COL23A1: variants seen among roughly 807,000 people sequenced by gnomAD.
The protein encoded by COL23A1 is collagen alpha-1(XXIII) chain.
In COL23A1, 97 loss-of-function variants were observed where a neutral mutation model predicts 99.3. That is an observed-to-expected ratio of 0.98 (90% CI 0.83 to 1.16). The LOEUF (loss-of-function observed/expected upper bound fraction) is 1.16. Among genes scored for constraint, COL23A1 ranks in the 50% most tolerant of loss-of-function variants. COL23A1 has a pLI of 0.00. For missense variants in COL23A1, 762 were observed against 757.4 expected (o/e 1.01, Z -0.07); for synonymous variants, 320 against 308.2 (o/e 1.04, Z -0.40).
chr5:178,442,865 T>C (rs1766951790), intron 2 of COL23A1: 1 of 152,222 alleles, frequency 6.6e-6, no homozygotes, highest in East Asian at 1.9e-4. Flanking sequence ...CCCCCTCCCA[T>C]ATCCCTATTT....
chr5:178,563,175 G>A (rs1157912042), intron 1 of COL23A1, among the ~76,000 whole-genome samples: 1 of 152,110 alleles, frequency 6.6e-6, no homozygotes, highest in Non-Finnish European at 1.5e-5. Context: ...CCTGTAAATC[G>A]GAACCTGGCT....
intron 2 of COL23A1, among the ~76,000 whole-genome samples, chr5:178,311,484 C>CTGTG (rs1006253790): frequency 0.051 from 2,992 of 58,140 alleles, 89 homozygotes; most frequent in African/African-American, 0.16. Flanking sequence ...GTTCTTTCCT[C>CTGTG]TGTGTGTGTG....
chr5:178,281,235 G>T lies in COL23A1; in HGVS notation c.441+7089C>A, dbSNP rs1398738935. 6.6e-6 allele frequency among the ~76,000 whole-genome samples: 1 copy of T among 152,206 alleles called. No homozygotes were observed. Among genetic ancestry groups the T allele is most frequent in the South Asian group, 2.1e-4 (1 of 4,832 alleles). On this transcript the variant is annotated intron_variant, in intron 5 of 28. Transcript: ENST00000390654. The surrounding 1 kb of genome is among the most constrained non-coding windows in gnomAD (Gnocchi z 4.0). ...GAATTTGGGATATTTCAGATAAATC[G>T]TTTAACTGATTACATTTTTATAATC...
intron 2 of COL23A1, among the ~76,000 whole-genome samples, chr5:178,482,159 G>A (rs1252119598): frequency 1.3e-5 from 2 of 151,902 alleles, no homozygotes; most frequent in Admixed American, 6.6e-5. Context: ...TTATACCAAC[G>A]TTCACAGCAG....
intron 2 of COL23A1, among the ~76,000 whole-genome samples, chr5:178,316,400 T>C (rs145746543): frequency 1.3e-5 from 2 of 152,346 alleles, no homozygotes; most frequent in African/African-American, 4.8e-5. Flanking sequence ...CTATAAAATA[T>C]TTATGATATA....
intron 2 of COL23A1, among the ~76,000 whole-genome samples, chr5:178,372,825 C>T (rs1762868885): frequency 6.6e-6 from 1 of 152,224 alleles, no homozygotes; most frequent in South Asian, 2.1e-4. Flanking sequence ...ATCTGCCTGT[C>T]TCTGCCTCCC....
chr5:178,474,047 T>C (rs1756903921), intron 2 of COL23A1, among the ~76,000 whole-genome samples: 1 of 152,204 alleles, frequency 6.6e-6, no homozygotes, highest in South Asian at 2.1e-4. Flanking sequence ...TCAAGAGAAC[T>C]GAGGGTGTTC....
intron 27 of COL23A1, among the ~76,000 whole-genome samples, chr5:178,239,571 CCG>C (rs1764284960): frequency 1.4e-5 from 2 of 142,060 alleles, no homozygotes; most frequent in East Asian, 2.3e-4. Flanking sequence ...CTGCCGAGAG[CCG>C]TGTGGCTTCC....
chr5:178,452,993 T>A (rs915523087), intron 2 of COL23A1, among the ~76,000 whole-genome samples: 4 of 151,854 alleles, frequency 2.6e-5, no homozygotes, highest in Non-Finnish European at 5.9e-5. Context: ...GGCAAAAGAG[T>A]GGACACAACT....
At chr5:178,372,899 C>T (rs1212485806) in intron 2 of COL23A1, among the ~76,000 whole-genome samples, 1 of 127,456 alleles carries the variant, frequency 7.8e-6, no homozygotes, top group Non-Finnish European at 1.6e-5. Context: ...ATTTCTCTTT[C>T]TTTTCTTTTT....
intron 2 of COL23A1, among the ~76,000 whole-genome samples, chr5:178,405,873 C>T (rs753362319): frequency 2.6e-5 from 4 of 151,934 alleles, no homozygotes; most frequent in South Asian, 2.1e-4. Flanking sequence ...GAGGTCAAGG[C>T]GGGTGGATCA....
intron 2 of COL23A1, among the ~76,000 whole-genome samples, chr5:178,425,971 G>A (rs946379079): frequency 3.3e-5 from 5 of 152,120 alleles, no homozygotes; most frequent in Non-Finnish European, 5.9e-5. Flanking sequence ...AAGGTGCCAC[G>A]GTGGGGTCCT....
chr5:178,512,755 C>A (rs148592595), intron 2 of COL23A1, among the ~76,000 whole-genome samples: 5 of 152,308 alleles, frequency 3.3e-5, no homozygotes, highest in Middle Eastern at 3.4e-3. Flanking sequence ...CCCCCTTCCA[C>A]GCAGCCCCAA....
chr5:178,400,625 C>T (rs1380133843), intron 2 of COL23A1, among the ~76,000 whole-genome samples: 1 of 151,274 alleles, frequency 6.6e-6, no homozygotes, highest in Non-Finnish European at 1.5e-5. Context: ...CGGTGTGCAA[C>T]CATCACCACC....
intron 2 of COL23A1, among the ~76,000 whole-genome samples, chr5:178,518,537 C>CCCAG: frequency 6.7e-6 from 1 of 148,248 alleles, no homozygotes; most frequent in Middle Eastern, 3.5e-3. Flanking sequence ...CTCCTCACTT[C>CCCAG]TCAGACGGGG....
intron 2 of COL23A1, among the ~76,000 whole-genome samples, chr5:178,516,926 T>C (rs1470410121): frequency 6.6e-6 from 1 of 152,160 alleles, no homozygotes; most frequent in African/African-American, 2.4e-5. Context: ...GGAGCGGGCT[T>C]CCTGCGCAGA....
intron 5 of COL23A1, among the ~76,000 whole-genome samples, chr5:178,284,579 G>A (rs567510162): frequency 1.3e-5 from 2 of 152,266 alleles, no homozygotes; most frequent in Admixed American, 1.3e-4. Flanking sequence ...TTATTCTAAG[G>A]AGATAATCAT....
At chr5:178,523,189 T>TACAC (rs1468871121) in intron 2 of COL23A1, among the ~76,000 whole-genome samples, 39 of 76,970 alleles carry the variant, frequency 5.1e-4, no homozygotes, top group African/African-American at 1.7e-3. Flanking sequence ...CACATATATA[T>TACAC]ATATATATAT....
At chr5:178,475,158 C>T (rs1756963345) in intron 2 of COL23A1, among the ~76,000 whole-genome samples, 1 of 152,240 alleles carries the variant, frequency 6.6e-6, no homozygotes, top group South Asian at 2.1e-4. Flanking sequence ...ACAACCTCAT[C>T]TTACCTTGAT....
Sources: gnomAD v4.1 joint callset for allele counts (sites outside exome capture counted in the v4.1 genomes callset) on GRCh38, gnomAD v4.1.1 for gene constraint, Gnocchi (gnomAD v3.1) non-coding constraint, MANE v1.5 for transcripts, NCBI Gene and HGNC (gene_info 2026-07-23, HGNC 2026-07-21) for gene names.